Variants in KIZ observed in about 807,000 individuals in gnomAD.
KIZ encodes the protein kizuna centrosomal protein.
Under a neutral mutation model 79.6 loss-of-function variants are expected in KIZ, and 68 were observed. The observed-to-expected ratio is 0.85, with a 90% CI of 0.70 to 1.05. The LOEUF (loss-of-function observed/expected upper bound fraction) is 1.05. KIZ is among the 50% of genes least tolerant of loss of function. The pLI is 0.00. For synonymous variants in KIZ, 280 were observed against 281.8 expected (o/e 0.99, Z 0.06); for missense variants, 797 against 800.4 (o/e 1.00, Z 0.05).
intron 6 of KIZ, among the ~76,000 whole-genome samples, chr20:21,168,391 C>T (rs1178889748): frequency 6.6e-6 from 1 of 152,126 alleles, no homozygotes; most frequent in East Asian, 1.9e-4. Flanking sequence ...TGAAGGACCT[C>T]TTCAAGGAGA....
chr20:21,236,760 C>T (rs958360417), intron 11 of KIZ, among the ~76,000 whole-genome samples: 5 of 151,982 alleles, frequency 3.3e-5, no homozygotes, highest in East Asian at 1.9e-4. Context: ...TTTGGGAGGC[C>T]GAGGCAGGCA....
intron 2 of KIZ, among the ~76,000 whole-genome samples, chr20:21,134,852 A>G (rs1245788305): frequency 2.0e-5 from 3 of 151,716 alleles, no homozygotes; most frequent in African/African-American, 7.3e-5. Flanking sequence ...TTTTTAGTAG[A>G]GGCGGTGTTT....
intron 4 of KIZ, among the ~76,000 whole-genome samples, chr20:21,152,346 A>G (rs2033160600): frequency 6.6e-6 from 1 of 152,216 alleles, no homozygotes; most frequent in Non-Finnish European, 1.5e-5. Context: ...AGTTCATTTT[A>G]GGAAGAAGGA....
intron 6 of KIZ, among the ~76,000 whole-genome samples, chr20:21,180,971 G>A (rs897451409): frequency 6.6e-6 from 1 of 152,182 alleles, no homozygotes; most frequent in African/African-American, 2.4e-5. Context: ...ATAAAAAGTT[G>A]TTGGTTGTTG....
chr20:21,238,823 T>C (rs181853566), intron 11 of KIZ, among the ~76,000 whole-genome samples: 2 of 152,336 alleles, frequency 1.3e-5, no homozygotes, highest in Admixed American at 1.3e-4. Context: ...CTGCCCCTGC[T>C]CTTGGAAGGC....
At chr20:21,231,912 C>T (rs150953282) in intron 10 of KIZ, among the ~76,000 whole-genome samples, 2 of 152,338 alleles carry the variant, frequency 1.3e-5, no homozygotes, top group Non-Finnish European at 2.9e-5. Context: ...AGACCTCCTC[C>T]TGGTAAGCAT....
chr20:21,196,691 C>G (rs1017540527), intron 6 of KIZ: 5 of 152,292 alleles, frequency 3.3e-5, no homozygotes, highest in Admixed American at 3.3e-4. Flanking sequence ...GTCTGACCTA[C>G]AAGAACTGAG....
At chr20:21,173,007 T>G (rs1416340985) in intron 6 of KIZ, among the ~76,000 whole-genome samples, 2 of 152,070 alleles carry the variant, frequency 1.3e-5, no homozygotes, top group African/African-American at 2.4e-5. Flanking sequence ...CGAACAGGTG[T>G]TGGGGAGACG....
chr20:21,169,905 T>A (rs1189841449), intron 6 of KIZ, among the ~76,000 whole-genome samples: 1 of 152,228 alleles, frequency 6.6e-6, no homozygotes, highest in Non-Finnish European at 1.5e-5. Flanking sequence ...CTTCATAGCT[T>A]ATTTATTTTT....
intron 3 of KIZ, among the ~76,000 whole-genome samples, chr20:21,141,485 C>T (rs1000623851): frequency 6.6e-6 from 1 of 152,142 alleles, no homozygotes; most frequent in African/African-American, 2.4e-5. Context: ...AAACACTCTC[C>T]AGAGCAGCCT....
intron 9 of KIZ, among the ~76,000 whole-genome samples, chr20:21,225,272 C>T (rs1274870603): frequency 3.3e-5 from 5 of 152,120 alleles, no homozygotes; most frequent in African/African-American, 1.2e-4. Context: ...GATTCAGAAC[C>T]GAAACCTTGA....
Position 21,162,165 on chromosome 20 carries a change from G to A in KIZ, c.700G>A (p.Glu234Lys), listed in dbSNP as rs1447671901. The change falls in exon 5 of 13, where the codon GAG becomes AAG. Residue 234 changes from glutamate to lysine, a missense_variant. Coordinates refer to ENST00000619189, the MANE Select transcript of KIZ (RefSeq NM_018474.6). Reference protein sequence around the residue: ...IDGKASLQIGEKMPVTASVLS... With the variant: ...IDGKASLQIGKKMPVTASVLS... ...TGGAAAGGCATCTCTTCAGATTGGT[G>A]AGAAAATGCCAGTCACAGCCAGTGT... The A allele has an allele frequency of 6.2e-7, 1 of 1,611,080 alleles. No homozygotes were observed. Among genetic ancestry groups the A allele is most frequent in the African/African-American group, 1.3e-5 (1 of 74,144 alleles).
chr20:21,190,487 G>C (rs909348926), intron 6 of KIZ, among the ~76,000 whole-genome samples: 4 of 152,248 alleles, frequency 2.6e-5, no homozygotes, highest in Non-Finnish European at 5.9e-5. Context: ...CTGTGGATGG[G>C]AGAGTCACTA....
intron 2 of KIZ, chr20:21,133,039 A>G (rs1361447833): frequency 6.6e-6 from 1 of 152,256 alleles, no homozygotes; most frequent in Non-Finnish European, 1.5e-5. Context: ...TCCTTAAGCC[A>G]AAAGTATGGC....
At chr20:21,217,221 C>G (rs2036328424) in intron 9 of KIZ, among the ~76,000 whole-genome samples, 1 of 152,158 alleles carries the variant, frequency 6.6e-6, no homozygotes, top group Admixed American at 6.5e-5. Flanking sequence ...TGTACTATCC[C>G]CACCCAGGGA....
intron 1 of KIZ, among the ~76,000 whole-genome samples, chr20:21,126,563 C>T (rs1372553809): frequency 2.6e-5 from 4 of 152,148 alleles, no homozygotes; most frequent in African/African-American, 9.7e-5. Context: ...CCCTTTTACA[C>T]GCCCCCTCCC....
chr20:21,145,161 T>A (rs2032779339), intron 3 of KIZ, among the ~76,000 whole-genome samples: 1 of 68,780 alleles, frequency 1.5e-5, no homozygotes, highest in African/African-American at 6.4e-5. Context: ...TCAGTAGGAT[T>A]GATTTTTTTT....
intron 4 of KIZ, among the ~76,000 whole-genome samples, chr20:21,155,693 A>T (rs1372119191): frequency 3.3e-5 from 5 of 152,208 alleles, no homozygotes; most frequent in African/African-American, 1.2e-4. Context: ...TATGTGAATT[A>T]TATCTCAGTA....
intron 4 of KIZ, chr20:21,148,817 C>CT (rs2032975243): frequency 6.6e-6 from 1 of 152,188 alleles, no homozygotes; most frequent in Non-Finnish European, 1.5e-5. Flanking sequence ...TGATCATACT[C>CT]TGTCAGGGAT....
Sources: gnomAD v4.1 joint callset for allele counts (sites outside exome capture counted in the v4.1 genomes callset) on GRCh38, gnomAD v4.1.1 for gene constraint, MANE v1.5 for transcripts, NCBI Gene and HGNC (gene_info 2026-07-23, HGNC 2026-07-21) for gene names.